The following BABAM2 variants were observed in gnomAD, a reference collection of about 807,000 sequenced individuals.
BABAM2 encodes the protein BRISC and BRCA1 A complex member 2.
A neutral mutation model predicts 54.7 loss-of-function variants in BABAM2; 31 were observed. The ratio of observed to expected loss-of-function variants is 0.57; its 90% confidence interval spans 0.43 to 0.77. The LOEUF is 0.77. BABAM2 is among the 30% of genes least tolerant of loss of function. The pLI, the probability that BABAM2 is intolerant of heterozygous loss-of-function variation, is 0.00. For synonymous variants in BABAM2, 167 were observed against 162.9 expected (o/e 1.03, Z -0.19); for missense variants, 364 against 455.8 (o/e 0.80, Z 1.83).
chr2:28,024,337 C>T (rs1260351559), intron 4 of BABAM2, among the ~76,000 whole-genome samples: 2 of 151,116 alleles, frequency 1.3e-5, no homozygotes, highest in South Asian at 2.1e-4. Context: ...ACCCGGGAGG[C>T]GGAGCTTGCA....
chr2:28,207,018 C>T (rs1678918436), intron 7 of BABAM2, among the ~76,000 whole-genome samples: 1 of 152,146 alleles, frequency 6.6e-6, no homozygotes, highest in African/African-American at 2.4e-5. Flanking sequence ...ATCACAGTCT[C>T]CCTGTGAGGT....
chr2:27,971,520 T>C (rs1191361547), intron 3 of BABAM2, among the ~76,000 whole-genome samples: 1 of 152,118 alleles, frequency 6.6e-6, no homozygotes. Flanking sequence ...AATACAAAGC[T>C]ACTTATTCTG....
intron 4 of BABAM2, among the ~76,000 whole-genome samples, chr2:28,013,770 T>C (rs1001814384): frequency 3.4e-5 from 5 of 147,418 alleles, no homozygotes; most frequent in Admixed American, 3.4e-4. Context: ...AAGTTGGTTG[T>C]TGGTTGAGAG....
intron 2 of BABAM2, among the ~76,000 whole-genome samples, chr2:27,915,271 CTCT>C (rs1002155072): frequency 4.7e-4 from 71 of 152,180 alleles, no homozygotes; most frequent in African/African-American, 1.7e-3. Flanking sequence ...TTGAGATAGA[CTCT>C]CCTCCTCCTT....
chr2:28,219,197 CAG>C (rs1470304254), intron 7 of BABAM2, among the ~76,000 whole-genome samples: 1 of 152,200 alleles, frequency 6.6e-6, no homozygotes, highest in Non-Finnish European at 1.5e-5. Context: ...TCAGGTTGTT[CAG>C]AGAGTTCAGT....
At chr2:28,244,465 T>A (rs1358313218) in intron 9 of BABAM2, among the ~76,000 whole-genome samples, 1 of 152,116 alleles carries the variant, frequency 6.6e-6, no homozygotes, top group African/African-American at 2.4e-5. Context: ...TTATCTTATT[T>A]GTTTTTCACA....
intron 10 of BABAM2, among the ~76,000 whole-genome samples, chr2:28,260,697 A>C (rs1684425295): frequency 6.6e-6 from 1 of 152,176 alleles, no homozygotes; most frequent in Non-Finnish European, 1.5e-5. Flanking sequence ...CTTCACAAAA[A>C]GCATGATTGG....
At chr2:28,141,127 G>A (rs1298106660) in intron 7 of BABAM2, among the ~76,000 whole-genome samples, 2 of 152,010 alleles carry the variant, frequency 1.3e-5, no homozygotes, top group Non-Finnish European at 2.9e-5. Context: ...TAATACTATT[G>A]CATTGGGGGT....
chr2:28,106,729 CT>C (rs940082558), intron 6 of BABAM2, among the ~76,000 whole-genome samples: 2 of 152,158 alleles, frequency 1.3e-5, no homozygotes, highest in Admixed American at 6.5e-5. Context: ...TGTAAAGTTA[CT>C]TTTTTCCCCT....
intron 7 of BABAM2, among the ~76,000 whole-genome samples, chr2:28,220,536 T>A (rs1247357235): frequency 2.0e-5 from 3 of 152,084 alleles, no homozygotes; most frequent in Non-Finnish European, 4.4e-5. Flanking sequence ...TCTCTCTCTC[T>A]CTCCATCTCT....
chr2:28,086,031 A>G (rs1288874550), intron 6 of BABAM2, among the ~76,000 whole-genome samples: 1 of 152,150 alleles, frequency 6.6e-6, no homozygotes, highest in Non-Finnish European at 1.5e-5. Context: ...TAGCTTTAGG[A>G]TGTGTTAAGG....
intron 11 of BABAM2, among the ~76,000 whole-genome samples, chr2:28,321,728 C>A (rs72857138): frequency 6.6e-6 from 1 of 152,078 alleles, no homozygotes; most frequent in Non-Finnish European, 1.5e-5. Flanking sequence ...ACCCAGAAAT[C>A]ACTCTAGGGA....
intron 10 of BABAM2, among the ~76,000 whole-genome samples, chr2:28,262,586 T>A (rs962489214): frequency 6.6e-6 from 1 of 152,232 alleles, no homozygotes; most frequent in Admixed American, 6.5e-5. Context: ...AGGTTTCTTT[T>A]TTAGGCATCT....
intron 4 of BABAM2, among the ~76,000 whole-genome samples, chr2:28,000,203 C>T (rs1673482569): frequency 6.6e-6 from 1 of 152,090 alleles, no homozygotes; most frequent in South Asian, 2.1e-4. Context: ...TGTCCTTTTT[C>T]TATTCTAGGA....
intron 5 of BABAM2, among the ~76,000 whole-genome samples, chr2:28,028,374 C>G (rs1314911641): frequency 6.6e-6 from 1 of 151,950 alleles, no homozygotes; most frequent in South Asian, 2.1e-4. Context: ...GTCCAATATC[C>G]CACCCTCCCA....
chr2:27,910,017 T>A lies in BABAM2; in HGVS notation c.128+15333T>A, dbSNP rs1227780729. Among the ~76,000 whole-genome samples the A allele has an allele frequency of 2.6e-5, 4 of 152,358 alleles. No individual in the cohort carries two copies. In the East Asian group the frequency reaches 7.7e-4, roughly 29 times the overall value. On this transcript the variant is annotated intron_variant, in intron 2 of 11. Coordinates refer to ENST00000379624, the MANE Select transcript of BABAM2 (RefSeq NM_199191.3). Reference sequence around the variant, plus strand: ...GCAGATGAGGTAACTGAAACTCAAGTAAGTTGCGTGACTTGTTCAGGGTTG... The same window carrying A: ...GCAGATGAGGTAACTGAAACTCAAGAAAGTTGCGTGACTTGTTCAGGGTTG...
At chr2:28,218,480 A>G (rs1194334037) in intron 7 of BABAM2, among the ~76,000 whole-genome samples, 3 of 152,210 alleles carry the variant, frequency 2.0e-5, no homozygotes, top group Non-Finnish European at 2.9e-5. Context: ...TGAAGAGTAC[A>G]TATCAGTCAT....
upstream of BABAM2, chr2:27,890,228 G>A (rs758375653): frequency 3.1e-6 from 5 of 1,605,114 alleles, no homozygotes; most frequent in Admixed American, 1.7e-5. This position sits in a 1 kb window ranked among gnomAD's most constrained non-coding sequence, Gnocchi z 4.8. Context: ...CCCCCGAGCC[G>A]CAGACTGAGT....
chr2:28,120,846 CA>C (rs1438761468), intron 6 of BABAM2, among the ~76,000 whole-genome samples: 3 of 152,058 alleles, frequency 2.0e-5, no homozygotes, highest in Non-Finnish European at 4.4e-5. Flanking sequence ...AGTGAATTTA[CA>C]AAAAGAGTTA....
Sources: gnomAD v4.1 joint callset for allele counts (sites outside exome capture counted in the v4.1 genomes callset) on GRCh38, gnomAD v4.1.1 for gene constraint, Gnocchi (gnomAD v3.1) non-coding constraint, MANE v1.5 for transcripts, NCBI Gene and HGNC (gene_info 2026-07-23, HGNC 2026-07-21) for gene names.